The following RBFOX1 variants were observed in gnomAD, a reference collection of about 807,000 sequenced individuals.
RBFOX1 encodes the protein RNA binding fox-1 homolog 1.
In RBFOX1, 8 loss-of-function variants were observed where a neutral mutation model predicts 57.7. That is an observed-to-expected ratio of 0.14 (90% confidence interval 0.08 to 0.25). The LOEUF (loss-of-function observed/expected upper bound fraction) is 0.25, where lower values mean the gene tolerates loss of function less well. Ranked by LOEUF, RBFOX1 falls within the 10% of genes least tolerant of loss-of-function variation. The pLI is 1.00. For synonymous variants in RBFOX1, 326 were observed against 222.4 expected (o/e 1.47, Z -4.15); for missense variants, 611 against 548.5 (o/e 1.11, Z -1.14).
At chr16:7,458,045 C>G (rs2058865627) in intron 4 of RBFOX1, among the ~76,000 whole-genome samples, 1 of 152,146 alleles carries the variant, frequency 6.6e-6, no homozygotes, top group African/African-American at 2.4e-5. Flanking sequence ...GCTTGGACAT[C>G]TCCTCTTTAA....
intron 1 of RBFOX1, among the ~76,000 whole-genome samples, chr16:6,281,661 C>T (rs1355562077): frequency 6.6e-6 from 1 of 152,092 alleles, no homozygotes; most frequent in Non-Finnish European, 1.5e-5. Context: ...CGGCAAAAAC[C>T]TCAGTTACTT....
At chr16:5,380,024 G>C (rs1270113972) in intron 1 of RBFOX1, among the ~76,000 whole-genome samples, 2 of 152,174 alleles carry the variant, frequency 1.3e-5, no homozygotes, top group Admixed American at 1.3e-4. Flanking sequence ...GGCGGTGTGA[G>C]GGCACAGCAC....
At chr16:6,213,869 G>C (rs2097314359) in intron 1 of RBFOX1, among the ~76,000 whole-genome samples, 1 of 152,146 alleles carries the variant, frequency 6.6e-6, no homozygotes, top group South Asian at 2.1e-4. Flanking sequence ...GGAGGGGATG[G>C]GGTCAGGGGA....
chr16:6,333,565 CAG>C (rs2083293047), intron 2 of RBFOX1, among the ~76,000 whole-genome samples: 1 of 152,078 alleles, frequency 6.6e-6, no homozygotes, highest in Non-Finnish European at 1.5e-5. Flanking sequence ...CTTGATTTTT[CAG>C]AGTTTGGTTT....
At chr16:6,675,253 C>T (rs1354883506) in intron 3 of RBFOX1, among the ~76,000 whole-genome samples, 1 of 152,148 alleles carries the variant, frequency 6.6e-6, no homozygotes, top group East Asian at 1.9e-4. Flanking sequence ...GTTGCACCAT[C>T]CCTAGGGAAC....
intron 3 of RBFOX1, among the ~76,000 whole-genome samples, chr16:5,793,611 C>T (rs749315716): frequency 1.3e-5 from 2 of 152,184 alleles, no homozygotes; most frequent in African/African-American, 2.4e-5. Context: ...ATCTTACCCA[C>T]TACTCAAGAG....
At chr16:7,012,609 C>T (rs1416153408) in intron 3 of RBFOX1, among the ~76,000 whole-genome samples, 4 of 152,114 alleles carry the variant, frequency 2.6e-5, no homozygotes, top group South Asian at 2.1e-4. Context: ...AACATTGGAA[C>T]AGAATTGTGC....
intron 2 of RBFOX1, among the ~76,000 whole-genome samples, chr16:6,338,951 A>T (rs1599792683): frequency 6.6e-6 from 1 of 152,184 alleles, no homozygotes; most frequent in Non-Finnish European, 1.5e-5. Flanking sequence ...GAGGGGTGGC[A>T]TAGCTCTAGG....
intron 5 of RBFOX1, among the ~76,000 whole-genome samples, chr16:7,576,923 G>A (rs2093382999): frequency 1.3e-5 from 2 of 152,100 alleles, no homozygotes; most frequent in African/African-American, 4.8e-5. Context: ...TCCGAGTCTG[G>A]GTGTAGAGTA....
intron 4 of RBFOX1, among the ~76,000 whole-genome samples, chr16:7,362,712 C>T (rs554436174): frequency 5.9e-5 from 9 of 151,714 alleles, no homozygotes; most frequent in Admixed American, 5.9e-4. Flanking sequence ...TGTATGCATG[C>T]TAGTGTGTGC....
intron 2 of RBFOX1, among the ~76,000 whole-genome samples, chr16:6,424,645 T>C (rs1025192290): frequency 3.4e-5 from 1 of 29,032 alleles, no homozygotes; most frequent in African/African-American, 9.6e-5. Flanking sequence ...GGGGAGATAA[T>C]TATAACTTTG....
At chr16:5,296,034 C>G (rs770485666) in intron 1 of RBFOX1, among the ~76,000 whole-genome samples, 1 of 151,790 alleles carries the variant, frequency 6.6e-6, no homozygotes, top group Non-Finnish European at 1.5e-5. Context: ...TACTGGTCAT[C>G]GGTCTCCTGC....
intron 3 of RBFOX1, among the ~76,000 whole-genome samples, chr16:5,834,617 G>A (rs1334635587): frequency 6.6e-6 from 1 of 151,828 alleles, no homozygotes; most frequent in Non-Finnish European, 1.5e-5. Context: ...TAGATAGATA[G>A]ATAGATTGAC....
chr16:6,900,989 G>T (rs1479197185), intron 3 of RBFOX1, among the ~76,000 whole-genome samples: 1 of 152,154 alleles, frequency 6.6e-6, no homozygotes, highest in Non-Finnish European at 1.5e-5. Flanking sequence ...ACGTTCATTA[G>T]AACTAGAAAG....
intron 3 of RBFOX1, among the ~76,000 whole-genome samples, chr16:6,744,313 A>G (rs1277046160): frequency 6.6e-6 from 1 of 152,124 alleles, no homozygotes; most frequent in Non-Finnish European, 1.5e-5. Context: ...AAATTATTAA[A>G]TATATAGATT....
chr16:5,607,004 A>G (rs1440575747), intron 3 of RBFOX1, among the ~76,000 whole-genome samples: 1 of 152,152 alleles, frequency 6.6e-6, no homozygotes. Flanking sequence ...GATTGTCTGG[A>G]TCCAATTTGC....
intron 3 of RBFOX1, among the ~76,000 whole-genome samples, chr16:5,621,891 C>T (rs550581706): frequency 6.6e-6 from 1 of 152,102 alleles, no homozygotes; most frequent in Admixed American, 6.5e-5. Flanking sequence ...TGATGATGTC[C>T]ATACCAGGAA....
intron 12 of RBFOX1, among the ~76,000 whole-genome samples, chr16:7,663,842 C>T (rs1185992111): frequency 6.6e-6 from 1 of 152,178 alleles, no homozygotes; most frequent in Non-Finnish European, 1.5e-5. Context: ...TCGTTAAACT[C>T]GTTTTCATGC....
At chr16:5,900,220 A>T (rs773810571) in intron 4 of RBFOX1, among the ~76,000 whole-genome samples, 3 of 152,152 alleles carry the variant, frequency 2.0e-5, no homozygotes, top group Non-Finnish European at 4.4e-5. Flanking sequence ...AATGTGGGAG[A>T]TCCTGTCTTG....
Sources: allele counts gnomAD v4.1 joint callset (sites outside exome capture counted in the v4.1 genomes callset), GRCh38; gene constraint gnomAD v4.1.1; transcripts MANE v1.5; gene names NCBI Gene and HGNC (gene_info 2026-07-23, HGNC 2026-07-21).